GBP2: variants seen among roughly 807,000 people sequenced by gnomAD.
GBP2 encodes the protein guanylate-binding protein 2.
GBP2 carries 54 observed loss-of-function variants against 60.8 expected under a neutral mutation model. The ratio of observed to expected loss-of-function variants is 0.89; its 90% CI spans 0.71 to 1.11. The LOEUF (loss-of-function observed/expected upper bound fraction) is 1.11. Among genes scored for constraint, GBP2 ranks in the 50% most tolerant of loss-of-function variants. The pLI, the probability that GBP2 is intolerant of heterozygous loss-of-function variation, is 0.00. For missense variants in GBP2, 665 were observed against 703.3 expected (o/e 0.95, Z 0.62); for synonymous variants, 243 against 256.5 (o/e 0.95, Z 0.50).
chr1:89,107,835 A>AATCTAC lies in GBP2; in HGVS notation c.*334_*339dup, dbSNP rs1490650468. Among the ~76,000 whole-genome samples the AATCTAC allele has an allele frequency of 1.3e-5, 2 of 152,204 alleles. No individual in the cohort carries two copies. The highest frequency in any genetic ancestry group is 2.9e-5 in the Non-Finnish European group (2 of 68,024). On this transcript the variant is annotated 3_prime_UTR_variant, in exon 11 of 11. Transcript: ENST00000370466. ...AAGGGTGGTGCATATGAGAGAAAAA[A>AATCTAC]ATCTACCCAGAACAGAAACTGCAAG...
Position 89,108,232 on chromosome 1 carries a change from G to C in GBP2, c.1719C>G (p.Asp573Glu). The change falls in exon 11 of 11, where the codon GAC becomes GAG. Residue 573 changes from aspartate (D) to glutamate (E), a missense_variant. By Grantham distance (45) the Asp-to-Glu change is conservative (BLOSUM62 2). Transcript: ENST00000370466. ...FENESKRLQK[D>E]IWDIQMRSKS... ...TGCTTCTCATCTGGATATCCCATATGTCTTTTTGAAGTCTCTTGCTCTCAT... is the reference window on the plus strand; with the variant it reads ...TGCTTCTCATCTGGATATCCCATATCTCTTTTTGAAGTCTCTTGCTCTCAT... 6.2e-7 allele frequency: 1 copy of C among 1,613,484 alleles called. No individual in the cohort carries two copies. Among genetic ancestry groups the C allele is most frequent in the Non-Finnish European group, 8.5e-7 (1 of 1,179,674 alleles).
At chr1:89,119,801 G>A (rs982563004) in intron 4 of GBP2, 1 of 173,230 alleles carries the variant, frequency 5.8e-6, no homozygotes, top group Non-Finnish European at 1.2e-5. Context: ...AGGTCTGTAG[G>A]AGAAATAGTA....
rs763563013 is a variant in GBP2, at chr1:89,106,731, T to C, written c.*1444A>G. ...GACAAAAATACTCTAATTCTCAGAC[T>C]TTCCCATGGGTAGGCATATGATTTA... On this transcript the variant is annotated 3_prime_UTR_variant, in exon 11 of 11. Transcript: ENST00000370466. 14 of 152,224 alleles carry C rather than the reference T, an allele frequency of 9.2e-5. No homozygotes were observed. The highest frequency in any genetic ancestry group is 1.5e-4 in the Non-Finnish European group (10 of 68,044). 9.4% of individuals were successfully genotyped at this position (152,224 alleles called of 1,614,324 possible).
At chr1:89,120,382 T>A in intron 3 of GBP2, 94 bp from the exon 4 acceptor site, 2 of 1,005,374 alleles carry the variant, frequency 2.0e-6, no homozygotes, top group South Asian at 2.7e-5. Flanking sequence ...CAACTCTGTC[T>A]CTCATTAGTT....
intron 2 of GBP2, 141 bp downstream of exon 2, chr1:89,121,636 G>A: frequency 1.2e-6 from 1 of 848,868 alleles, no homozygotes; most frequent in Non-Finnish European, 1.8e-6. Flanking sequence ...ATCCTCCAAA[G>A]TCAATGTAAA....
intron 4 of GBP2, chr1:89,118,740 G>A (rs1032910960): frequency 2.6e-5 from 4 of 152,172 alleles, no homozygotes; most frequent in African/African-American, 7.2e-5. Context: ...GGAGCTGAAG[G>A]AGTTTGATGA....
chr1:89,119,719 C>G (rs1681357242), intron 4 of GBP2: 1 of 154,380 alleles, frequency 6.5e-6, no homozygotes, highest in African/African-American at 2.4e-5. Context: ...AGGAGGATAC[C>G]TAACTCATCT....
At position 89,121,875 on chromosome 1, in the gene GBP2, A is replaced by G. The variant is rs1362479167; in HGVS notation, c.92T>C (p.Leu31Pro). The G allele has an allele frequency of 6.2e-7, 1 of 1,614,028 alleles. No homozygotes were observed. The highest frequency in any genetic ancestry group is 8.5e-7 in the Non-Finnish European group (1 of 1,180,004). The change falls in exon 2 of 11, where the codon CTA (leucine) becomes CCA (proline). Residue 31 changes from leucine (L) to proline (P), a missense_variant. Transcript: ENST00000370466. ...CACCACAGGCTGCGTAATTGCAGATAGGATCTTCAGAGCTTCTGGATTCAC... is the reference window on the plus strand; with the variant it reads ...CACCACAGGCTGCGTAATTGCAGATGGGATCTTCAGAGCTTCTGGATTCAC... ...LVVNPEALKI[L>P]SAITQPVVVV...
intron 6 of GBP2, 81 bp from the exon 7 acceptor site, chr1:89,114,377 C>A: frequency 6.9e-7 from 1 of 1,456,664 alleles, no homozygotes; most frequent in Non-Finnish European, 9.3e-7. Flanking sequence ...GTGAGTGTCA[C>A]AAATAATACT....
In GBP2 at chr1:89,117,751, G is replaced by T. The variant is rs774447945; in HGVS notation, c.451C>A (p.Arg151=). 6.2e-7 allele frequency: 1 copy of T among 1,612,980 alleles called. No homozygotes were observed. Among genetic ancestry groups the T allele is most frequent in the Non-Finnish European group, 8.5e-7 (1 of 1,179,478 alleles). Reference sequence around the variant, plus strand: ...CCAGGTGAGGAGTTTGCCTTGATTCGATCTGTCAGCTCTGTCACATAGCTG... The same window carrying T: ...CCAGGTGAGGAGTTTGCCTTGATTCTATCTGTCAGCTCTGTCACATAGCTG... ...QLHYVTELTD[R]IKANSSPGNN... Residue 151 remains arginine, a synonymous_variant, in exon 5 of 11, where the codon CGA becomes AGA. Transcript: ENST00000370466.
At chr1:89,124,700 C>A (rs1350478832) in intron 1 of GBP2, among the ~76,000 whole-genome samples, 2 of 152,198 alleles carry the variant, frequency 1.3e-5, no homozygotes, top group South Asian at 2.1e-4. Flanking sequence ...CTTTGAGCTA[C>A]CACAGGACAT....
intron 8 of GBP2, among the ~76,000 whole-genome samples, chr1:89,111,652 TG>T (rs1681169313): frequency 2.5e-5 from 1 of 39,256 alleles, no homozygotes; most frequent in Non-Finnish European, 5.1e-5. Flanking sequence ...GGGAGGGAGG[TG>T]GGGATGGTTA....
chr1:89,122,965 T>C (rs990879048), intron 1 of GBP2, among the ~76,000 whole-genome samples: 7 of 152,218 alleles, frequency 4.6e-5, no homozygotes, highest in African/African-American at 1.4e-4. Context: ...CATTTAGTTG[T>C]ATCAGTGTAG....
intron 8 of GBP2, 147 bp downstream of exon 8, chr1:89,112,325 G>T (rs1488982312): frequency 1.5e-6 from 1 of 672,354 alleles, no homozygotes; most frequent in East Asian, 2.6e-5. Flanking sequence ...GTTATGGTGG[G>T]CTCTCTTATT....
intron 1 of GBP2, among the ~76,000 whole-genome samples, chr1:89,122,546 A>AT (rs905318697): frequency 4.0e-5 from 6 of 150,716 alleles, no homozygotes; most frequent in Admixed American, 6.6e-5. Flanking sequence ...GAAGTTATAC[A>AT]TTTTTTTTTG....
intron 8 of GBP2, 118 bp from the exon 9 acceptor site, chr1:89,110,384 A>G: frequency 2.6e-6 from 2 of 764,860 alleles, no homozygotes; most frequent in Non-Finnish European, 4.5e-6. Flanking sequence ...AGATACTTGC[A>G]TACGCATGTT....
At chr1:89,112,024 A>G (rs1419133447) in intron 8 of GBP2, among the ~76,000 whole-genome samples, 1 of 152,264 alleles carries the variant, frequency 6.6e-6, no homozygotes, top group Non-Finnish European at 1.5e-5. Context: ...TGCTCTGAGT[A>G]TTAAATGAAT....
chr1:89,117,889 A>C (rs1008348860), intron 4 of GBP2, 116 bp from the exon 5 acceptor site: 3 of 815,422 alleles, frequency 3.7e-6, no homozygotes, highest in Non-Finnish European at 5.7e-6. Context: ...TTCATTCACA[A>C]ACATTTATTT....
chr1:89,114,483 C>T (rs1331683317), intron 6 of GBP2, among the ~76,000 whole-genome samples, 187 bp from the exon 7 acceptor site: 7 of 152,124 alleles, frequency 4.6e-5, no homozygotes. Flanking sequence ...TTCCTTCACC[C>T]AAAAGGAAGA....
Sources: gnomAD v4.1 joint callset for allele counts (sites outside exome capture counted in the v4.1 genomes callset) on GRCh38, gnomAD v4.1.1 for gene constraint, MANE v1.5 for transcripts, NCBI Gene and HGNC (gene_info 2026-07-23, HGNC 2026-07-21) for gene names.